NTN1: variants seen among roughly 807,000 people sequenced by gnomAD.
NTN1 encodes the protein netrin-1.
NTN1 carries 11 observed loss-of-function variants against 54.2 expected under a neutral mutation model. That is an observed-to-expected ratio of 0.20 (90% CI 0.13 to 0.34). The LOEUF (loss-of-function observed/expected upper bound fraction) is 0.34. NTN1 is among the 10% of genes least tolerant of loss of function. The pLI is 1.00. For synonymous variants in NTN1, 371 were observed against 382.0 expected, an observed-to-expected ratio of 0.97 and a Z score of 0.33; for missense variants, 740 against 893.1, an observed-to-expected ratio of 0.83 and a Z score of 2.18.
At chr17:9,217,727 G>A (rs976164905) in intron 5 of NTN1, among the ~76,000 whole-genome samples, 1 of 151,956 alleles carries the variant, frequency 6.6e-6, no homozygotes, top group Admixed American at 6.6e-5. Flanking sequence ...CTAGTTACCT[G>A]TATTTTACAT....
chr17:9,003,708 G>C, the NTN1 span, among the ~76,000 whole-genome samples: 2 of 152,090 alleles, frequency 1.3e-5, no homozygotes, highest in Non-Finnish European at 2.9e-5. The surrounding 1 kb of genome is among the most constrained non-coding windows in gnomAD (Gnocchi z 7.4). Context: ...CCCGGCCCCG[G>C]CGCCTGATTC....
chr17:9,044,934 T>G (rs2091936824), intron 2 of NTN1, among the ~76,000 whole-genome samples: 1 of 152,200 alleles, frequency 6.6e-6, no homozygotes, highest in Non-Finnish European at 1.5e-5. Context: ...TACACAAAGC[T>G]AGGTTAATTT....
intron 2 of NTN1, among the ~76,000 whole-genome samples, chr17:9,091,221 AAT>A (rs1172064284): frequency 6.6e-6 from 1 of 152,148 alleles, no homozygotes; most frequent in Non-Finnish European, 1.5e-5. Context: ...ATTGTGGTAA[AAT>A]ATACATAACA....
At chr17:9,023,805 T>TG (rs1345938906) in intron 2 of NTN1, among the ~76,000 whole-genome samples, 2 of 152,222 alleles carry the variant, frequency 1.3e-5, no homozygotes, top group Admixed American at 6.5e-5. Context: ...GCCCAGTTCC[T>TG]GGGAAGTTCC....
At chr17:9,106,191 G>A (rs1411910569) in intron 2 of NTN1, among the ~76,000 whole-genome samples, 1 of 152,226 alleles carries the variant, frequency 6.6e-6, no homozygotes, top group African/African-American at 2.4e-5. Flanking sequence ...TTGCAGAGAA[G>A]GACTTCCAGC....
intron 2 of NTN1, among the ~76,000 whole-genome samples, chr17:9,068,578 G>A (rs754364363): frequency 2.1e-4 from 31 of 150,496 alleles, no homozygotes; most frequent in Admixed American, 1.3e-3. Flanking sequence ...GTGCGATCTC[G>A]GCTCACCACA....
intron 2 of NTN1, among the ~76,000 whole-genome samples, chr17:9,110,853 A>T (rs1169961301): frequency 1.3e-5 from 2 of 150,928 alleles, no homozygotes; most frequent in African/African-American, 2.4e-5. Context: ...TCTGTCTTAC[A>T]CGATCTTCTC....
At chr17:9,125,988 G>A (rs1383107345) in intron 2 of NTN1, among the ~76,000 whole-genome samples, 1 of 152,238 alleles carries the variant, frequency 6.6e-6, no homozygotes, top group East Asian at 1.9e-4. Context: ...TGAGGGACTT[G>A]TCAAAGGTTG....
At chr17:9,053,407 A>G (rs1323822144) in intron 2 of NTN1, among the ~76,000 whole-genome samples, 2 of 152,242 alleles carry the variant, frequency 1.3e-5, no homozygotes, top group East Asian at 3.8e-4. Context: ...ACTAATGATT[A>G]CTTTATTAGA....
chr17:9,030,863 A>G (rs930585526), intron 2 of NTN1, among the ~76,000 whole-genome samples: 1 of 152,178 alleles, frequency 6.6e-6, no homozygotes, highest in Non-Finnish European at 1.5e-5. Flanking sequence ...AGCAGAAAGT[A>G]ACACTCCAGT....
intron 2 of NTN1, among the ~76,000 whole-genome samples, chr17:9,042,488 TA>T (rs879534793): frequency 1.7e-3 from 146 of 83,460 alleles, no homozygotes; most frequent in African/African-American, 1.8e-3. Context: ...CTCTGTCCCT[TA>T]AAAAAAAAAA....
intron 6 of NTN1, among the ~76,000 whole-genome samples, chr17:9,223,217 G>T (rs1225017579): frequency 6.6e-6 from 1 of 152,190 alleles, no homozygotes; most frequent in African/African-American, 2.4e-5. Flanking sequence ...TAAAGGAAGT[G>T]CGTCTCCAAG....
chr17:9,192,349 GAT>G, intron 5 of NTN1, among the ~76,000 whole-genome samples: 1 of 152,300 alleles, frequency 6.6e-6, no homozygotes. Flanking sequence ...TAAATGGAAA[GAT>G]AAAATATAGT....
chr17:9,096,592 C>T (rs1299448519), intron 2 of NTN1, among the ~76,000 whole-genome samples: 2 of 151,952 alleles, frequency 1.3e-5, no homozygotes, highest in Non-Finnish European at 2.9e-5. Flanking sequence ...AGGATGGTCT[C>T]CATCTCCTGA....
chr17:9,147,479 A>T (rs140528705), intron 2 of NTN1, among the ~76,000 whole-genome samples: 2 of 152,250 alleles, frequency 1.3e-5, no homozygotes, highest in East Asian at 3.9e-4. Context: ...GAGCCACTGC[A>T]CTCCAGCCTG....
At chr17:9,193,079 C>CA (rs528295578) in intron 5 of NTN1, among the ~76,000 whole-genome samples, 45,770 of 105,442 alleles carry the variant, frequency 0.43, 9,282 homozygotes, top group African/African-American at 0.54. Flanking sequence ...GACTCTGTCT[C>CA]AAAAAAAAAA....
chr17:9,203,321 A>G (rs1409509542), intron 5 of NTN1, among the ~76,000 whole-genome samples: 3 of 152,068 alleles, frequency 2.0e-5, no homozygotes, highest in Non-Finnish European at 4.4e-5. Flanking sequence ...TGACTGTTTG[A>G]ACCTCTTACT....
At position 9,135,500 on chromosome 17, in the gene NTN1, T is replaced by G. The variant is rs2092278016; in HGVS notation, c.1019-27313T>G. Among the ~76,000 whole-genome samples the G allele has an allele frequency of 6.6e-6, 1 of 152,216 alleles. No individual in the cohort carries two copies. Among genetic ancestry groups the G allele is most frequent in the African/African-American group, 2.4e-5 (1 of 41,458 alleles). ...ATTCGCCACTGTCGGGGTCAACCAC[T>G]TAGTCCTCTTGACCATGAGACTCTC... is the stretch of plus-strand genomic sequence containing the variant. On this transcript the variant is annotated intron_variant, in intron 2 of 6. Coordinates refer to ENST00000173229, the MANE Select transcript of NTN1 (RefSeq NM_004822.3). The surrounding 1 kb of genome is among the most constrained non-coding windows in gnomAD (Gnocchi z 4.4).
intron 2 of NTN1, among the ~76,000 whole-genome samples, chr17:9,114,426 A>G (rs1334882504): frequency 2.0e-5 from 3 of 149,826 alleles, no homozygotes; most frequent in African/African-American, 7.4e-5. Context: ...GCAAAAAAAT[A>G]TATTGATGTT....
Sources: gnomAD v4.1 joint callset for allele counts (sites outside exome capture counted in the v4.1 genomes callset) on GRCh38, gnomAD v4.1.1 for gene constraint, Gnocchi (gnomAD v3.1) non-coding constraint, MANE v1.5 for transcripts, NCBI Gene and HGNC (gene_info 2026-07-23, HGNC 2026-07-21) for gene names.